UPRT: variants seen among roughly 807,000 people sequenced by gnomAD.
UPRT encodes uracil phosphoribosyltransferase homolog.
In UPRT, 5 loss-of-function variants were observed where a neutral mutation model predicts 22.6. The ratio of observed to expected loss-of-function variants is 0.22; its 90% CI spans 0.12 to 0.47. The LOEUF (loss-of-function observed/expected upper bound fraction) is 0.47. UPRT is among the 20% of genes least tolerant of loss of function. The probability of loss-of-function intolerance (pLI) is 0.99; values close to 1 mark genes in which losing one functional copy is unlikely to be tolerated. For missense variants in UPRT, 181 were observed against 239.9 expected (o/e 0.75, Z 1.62); for synonymous variants, 77 against 87.7 (o/e 0.88, Z 0.68).
intron 4 of UPRT, among the ~76,000 whole-genome samples, chrX:75,185,232 C>T (rs775500839): frequency 4.5e-5 from 5 of 111,468 alleles, no homozygotes; most frequent in African/African-American, 1.6e-4. Context: ...TAGCATGAAG[C>T]GTTGTTGAAT....
At chrX:75,255,040 G>A (rs979620126) in intron 4 of UPRT, among the ~76,000 whole-genome samples, 1 of 110,803 alleles carries the variant, frequency 9.0e-6, no homozygotes, top group African/African-American at 3.3e-5. Flanking sequence ...CTCCCAAAGT[G>A]CTGGGATTAC....
At chrX:75,251,674 G>C (rs1444824411) in intron 4 of UPRT, among the ~76,000 whole-genome samples, 1 of 111,589 alleles carries the variant, frequency 9.0e-6, no homozygotes, top group South Asian at 3.8e-4. Context: ...TCCCCATTAA[G>C]CTACCAATGA....
At chrX:75,170,122 C>T (rs753272933) in intron 4 of UPRT, among the ~76,000 whole-genome samples, 16 of 107,155 alleles carry the variant, frequency 1.5e-4, no homozygotes, top group Admixed American at 3.0e-4. Flanking sequence ...GCAAAACCTC[C>T]GCCTCCCGGG....
chrX:75,255,513 A>G (rs1317951342), intron 4 of UPRT, among the ~76,000 whole-genome samples: 1 of 111,910 alleles, frequency 8.9e-6, no homozygotes, highest in African/African-American at 3.2e-5. Context: ...CCACATCTCA[A>G]TACTAACATT....
rs184706341 is a variant in UPRT, at chrX:75,199,084, A to G, written c.-447+31205A>G. On this transcript the variant is annotated intron_variant, in intron 4 of 13. Coordinates refer to the UPRT transcript ENST00000652605. ...CTAAAGTGCTCTGGGGCTCTAAATA[A>G]ACTTGAAAGGCAGTCTGTGCCACAA... 3.4e-3 allele frequency among the ~76,000 whole-genome samples: 374 copies of G among 111,614 alleles called. 2 individuals are homozygous for G. Among genetic ancestry groups the G allele is most frequent in the African/African-American group, 0.012 (356 of 30,768 alleles).
At chrX:75,241,613 CACTT>C (rs779565746) in intron 4 of UPRT, among the ~76,000 whole-genome samples, 1 of 111,677 alleles carries the variant, frequency 9.0e-6, no homozygotes, top group Non-Finnish European at 1.9e-5. Flanking sequence ...ATAAAAAAGA[CACTT>C]ACACAGGCAT....
intron 4 of UPRT, among the ~76,000 whole-genome samples, chrX:75,179,493 C>T (rs942979978): frequency 1.8e-5 from 2 of 113,549 alleles, no homozygotes; most frequent in Admixed American, 1.8e-4. Flanking sequence ...AGCTGCCTGC[C>T]AGTCTCGCGC....
At chrX:75,271,849 C>G (rs956007356), upstream of UPRT, among the ~76,000 whole-genome samples, 5 of 111,479 alleles carry the variant, frequency 4.5e-5, no homozygotes, top group Non-Finnish European at 9.4e-5. Flanking sequence ...ATAGACAATT[C>G]TCAAAAGAAG....
intron 4 of UPRT, among the ~76,000 whole-genome samples, chrX:75,214,118 A>G (rs2147629635): frequency 8.9e-6 from 1 of 112,438 alleles, no homozygotes; most frequent in Admixed American, 9.4e-5. Flanking sequence ...GATATGAATC[A>G]TACAATGTCT....
intron 4 of UPRT, among the ~76,000 whole-genome samples, chrX:75,265,783 G>T (rs888451219): frequency 9.0e-6 from 1 of 111,093 alleles, no homozygotes; most frequent in African/African-American, 3.3e-5. Flanking sequence ...CAGTTTTTCT[G>T]CTGTTTTTCC....
At position 75,280,120 on chromosome X, in the gene UPRT, G is replaced by GT. The variant is rs771462924; in HGVS notation, c.386+5483dup. ...CCTTAGCCCACTTTTTGATGGGATT[G>GT]TTTGTTTTTTTTTTTCTTGCTGATT... On this transcript the variant is annotated intron_variant, in intron 1 of 6. Coordinates refer to ENST00000373383, the MANE Select transcript of UPRT (RefSeq NM_145052.4). Among the ~76,000 whole-genome samples, 100 of 104,445 alleles carry GT rather than the reference G, an allele frequency of 9.6e-4. 3 individuals are homozygous for GT. Among genetic ancestry groups the GT allele is most frequent in the East Asian group, 7.2e-3 (21 of 2,927 alleles). The allele number at this position is 104,445 out of a possible 115,157, so 90.7% of individuals were successfully genotyped here.
intron 4 of UPRT, among the ~76,000 whole-genome samples, chrX:75,177,676 CCCATAT>C (rs1231562228): frequency 2.7e-5 from 3 of 111,508 alleles, no homozygotes; most frequent in African/African-American, 9.8e-5. Flanking sequence ...TCTGAGGCTC[CCCATAT>C]CCTAGCTGCA....
intron 4 of UPRT, among the ~76,000 whole-genome samples, chrX:75,222,476 G>C (rs933119269): frequency 5.1e-4 from 57 of 111,956 alleles, no homozygotes; most frequent in African/African-American, 1.9e-3. Flanking sequence ...CCAGGAGCTA[G>C]GACCTGGAGT....
chrX:75,298,627 T>A (rs1414075152), intron 4 of UPRT, among the ~76,000 whole-genome samples: 2 of 112,546 alleles, frequency 1.8e-5, no homozygotes, highest in African/African-American at 6.5e-5. Context: ...TTTTCTCTTC[T>A]GGTTATGAAG....
At chrX:75,196,859 T>G (rs1461022714) in intron 4 of UPRT, among the ~76,000 whole-genome samples, 1 of 110,897 alleles carries the variant, frequency 9.0e-6, no homozygotes, top group Non-Finnish European at 1.9e-5. Flanking sequence ...AAAAAGATAA[T>G]AATAATAATA....
chrX:75,204,224 T>C (rs765739055), intron 4 of UPRT, among the ~76,000 whole-genome samples: 1 of 111,418 alleles, frequency 9.0e-6, no homozygotes, highest in Non-Finnish European at 1.9e-5. Flanking sequence ...ATCCCGGTGC[T>C]GAGTGCAGCA....
At chrX:75,220,485 T>TTTCCTTCC (rs2082406285) in intron 4 of UPRT, among the ~76,000 whole-genome samples, 1 of 111,347 alleles carries the variant, frequency 9.0e-6, no homozygotes, top group South Asian at 3.8e-4. Context: ...CCCTTCCTTC[T>TTTCCTTCC]TTCCTTCCTT....
At chrX:75,256,549 C>A (rs1045188137) in intron 4 of UPRT, among the ~76,000 whole-genome samples, 6 of 106,503 alleles carry the variant, frequency 5.6e-5, no homozygotes, top group African/African-American at 1.4e-4. Context: ...ACAACAACAA[C>A]AAAAAATACA....
At chrX:75,224,110 C>A (rs941214636) in intron 4 of UPRT, among the ~76,000 whole-genome samples, 10 of 111,379 alleles carry the variant, frequency 9.0e-5, no homozygotes, top group Admixed American at 4.8e-4. Flanking sequence ...AAAAAAAATT[C>A]TCTTTATTGA....
Sources: allele counts gnomAD v4.1 joint callset (sites outside exome capture counted in the v4.1 genomes callset), GRCh38; gene constraint gnomAD v4.1.1; transcripts MANE v1.5; gene names NCBI Gene and HGNC (gene_info 2026-07-23, HGNC 2026-07-21).